The following C16orf87 variants were observed in gnomAD, a reference collection of about 807,000 sequenced individuals.
C16orf87 encodes the protein HDAC and MIER1 interacting protein 1.
In C16orf87, 13 loss-of-function variants were observed where a neutral mutation model predicts 21.0. The observed-to-expected ratio is 0.62, with a 90% confidence interval of 0.40 to 0.98. The LOEUF is 0.98. Among genes scored for constraint, C16orf87 ranks in the 50% least tolerant of loss-of-function variants. C16orf87 has a pLI of 0.00. For missense variants in C16orf87, 113 were observed against 180.4 expected, an observed-to-expected ratio of 0.63 and a Z score of 2.14; for synonymous variants, 49 against 60.2, an observed-to-expected ratio of 0.81 and a Z score of 0.86.
At chr16:46,820,648 C>T (rs1291408530) in intron 2 of C16orf87, among the ~76,000 whole-genome samples, 2 of 152,128 alleles carry the variant, frequency 1.3e-5, no homozygotes, top group African/African-American at 2.4e-5. Context: ...TAAAGTGTTG[C>T]CTTGAAAACC....
intron 3 of C16orf87, among the ~76,000 whole-genome samples, chr16:46,805,776 C>A (rs1439453129): frequency 6.6e-6 from 1 of 152,244 alleles, no homozygotes; most frequent in African/African-American, 2.4e-5. Flanking sequence ...CTGTGAATCT[C>A]TAATGAGAGT....
chr16:46,807,305 G>A (rs1482923093), intron 3 of C16orf87, among the ~76,000 whole-genome samples: 1 of 151,924 alleles, frequency 6.6e-6, no homozygotes, highest in African/African-American at 2.4e-5. Context: ...GCCTGGTGTG[G>A]TGGCATGCAC....
At chr16:46,817,039 C>G (rs754933098) in intron 2 of C16orf87, among the ~76,000 whole-genome samples, 2 of 152,152 alleles carry the variant, frequency 1.3e-5, no homozygotes, top group African/African-American at 2.4e-5. Flanking sequence ...CTATCTTTAT[C>G]CTTCTTCCAA....
intron 2 of C16orf87, among the ~76,000 whole-genome samples, 163 bp downstream of exon 2, chr16:46,824,223 T>C (rs1225721516): frequency 1.3e-5 from 2 of 152,204 alleles, no homozygotes; most frequent in Non-Finnish European, 2.9e-5. Context: ...GGAATGCACA[T>C]GAAACCAACG....
At chr16:46,815,954 C>CA (rs1968226515) in intron 2 of C16orf87, among the ~76,000 whole-genome samples, 1 of 152,148 alleles carries the variant, frequency 6.6e-6, no homozygotes, top group Non-Finnish European at 1.5e-5. Context: ...TACCATGCAG[C>CA]ATTATTCACA....
At chr16:46,825,748 C>G (rs1206594149) in intron 1 of C16orf87, among the ~76,000 whole-genome samples, 2 of 151,754 alleles carry the variant, frequency 1.3e-5, no homozygotes, top group Admixed American at 6.6e-5. Context: ...CCCGTCCCTA[C>G]TAAAAAAAAT....
At chr16:46,825,466 G>A (rs1177973448) in intron 1 of C16orf87, among the ~76,000 whole-genome samples, 3 of 152,152 alleles carry the variant, frequency 2.0e-5, no homozygotes, top group African/African-American at 7.2e-5. Context: ...TAGATAGTAG[G>A]TGTACATGTT....
rs138481255 is a variant in C16orf87, at chr16:46,808,327, A to C, written c.346+1276T>G. ...TACTAAGACACCTTTAACTTTGATA[A>C]AAGCTAGGAATGGCTATACTGGTGA... On this transcript the variant is annotated intron_variant, in intron 3 of 3. Coordinates refer to ENST00000285697, the MANE Select transcript of C16orf87 (RefSeq NM_001001436.4). Among the ~76,000 whole-genome samples, 3 of 152,326 alleles carry C rather than the reference A, an allele frequency of 2.0e-5. No individual in the cohort carries two copies. In the East Asian group the frequency reaches 5.8e-4, roughly 29 times the overall value.
intron 3 of C16orf87, 123 bp downstream of exon 3, chr16:46,809,480 C>A: frequency 1.6e-6 from 1 of 638,030 alleles, no homozygotes. Flanking sequence ...TGCTTTCAAA[C>A]TAAAATATGA....
chr16:46,806,553 C>A (rs1967935638), intron 3 of C16orf87, among the ~76,000 whole-genome samples: 1 of 152,212 alleles, frequency 6.6e-6, no homozygotes, highest in African/African-American at 2.4e-5. Flanking sequence ...GCCACCACGC[C>A]TGACCCATTC....
At chr16:46,830,647 G>A (rs1352137355) in intron 1 of C16orf87, 2 of 158,106 alleles carry the variant, frequency 1.3e-5, no homozygotes, top group Non-Finnish European at 2.8e-5. Context: ...GTCGGAACCG[G>A]GAACAAAGCC....
At chr16:46,811,163 A>G (rs1012284622) in intron 2 of C16orf87, among the ~76,000 whole-genome samples, 4 of 152,202 alleles carry the variant, frequency 2.6e-5, no homozygotes, top group African/African-American at 9.6e-5. Flanking sequence ...CCTGCAATGA[A>G]CTAAAGGTTC....
chr16:46,813,941 C>T (rs1406512353), intron 2 of C16orf87, among the ~76,000 whole-genome samples: 1 of 152,138 alleles, frequency 6.6e-6, no homozygotes, highest in Non-Finnish European at 1.5e-5. Flanking sequence ...ACCTTATTTG[C>T]AGAACCCAGA....
chr16:46,801,620 T>C lies in C16orf87; in HGVS notation c.*1332A>G, dbSNP rs965406301. On this transcript the variant is annotated 3_prime_UTR_variant, in exon 4 of 4. Transcript: ENST00000285697. ...GAATCCTTAGGAAAATTCTTTATCC[T>C]ATCTAGAGTACCTCTTAAGCTCCCT... The C allele has an allele frequency of 6.6e-6, 1 of 152,230 alleles. No homozygotes were observed. The highest frequency in any genetic ancestry group is 2.4e-5 in the African/African-American group (1 of 41,444). 9.4% of individuals were successfully genotyped at this position (152,230 alleles called of 1,614,324 possible).
chr16:46,798,454 T>G lies in C16orf87; in HGVS notation c.*4498A>C, dbSNP rs1037737330. The G allele has an allele frequency of 3.3e-5, 5 of 152,434 alleles. No homozygotes were observed. Among genetic ancestry groups the G allele is most frequent in the African/African-American group, 9.7e-5 (4 of 41,442 alleles). 9.4% of individuals were successfully genotyped at this position (152,434 alleles called of 1,614,324 possible). A position where few individuals can be genotyped will look rare whatever the true frequency, so the allele number is the denominator to read the frequency against. ...ACTCGGGAGGCAGAGGTTGCAAGGT[T>G]GCATTGAGCCAAGATCACACCACTG... On this transcript the variant is annotated 3_prime_UTR_variant, in exon 4 of 4. Coordinates refer to ENST00000285697, the MANE Select transcript of C16orf87 (RefSeq NM_001001436.4).
At chr16:46,803,553 C>T (rs1402503276) in intron 3 of C16orf87, among the ~76,000 whole-genome samples, 1 of 152,062 alleles carries the variant, frequency 6.6e-6, no homozygotes, top group Non-Finnish European at 1.5e-5. Flanking sequence ...AAATAAAAAT[C>T]ACTCGTAATC....
rs746659744 is a variant in C16orf87 at position 46,809,776 on chromosome 16, T to C, written c.173A>G (p.His58Arg). 2 of 1,603,426 alleles carry C rather than the reference T, an allele frequency of 1.2e-6. No individual in the cohort carries two copies. The highest frequency in any genetic ancestry group is 1.7e-4 in the Middle Eastern group (1 of 6,028). The change falls in exon 3 of 4, where the codon CAT becomes CGT. Residue 58 changes from histidine (H) to arginine (R), a missense_variant. Transcript: ENST00000285697. The stretch of plus-strand genomic sequence containing the variant: ...CTCTGTTCGCCTCCTCTTGGCCTCA[T>C]GCTTGTTTTCTGTATGGATGAATAA... ...EKSPPSTENK[H>R]EAKRRRTERV...
chr16:46,803,655 T>C lies in C16orf87; in HGVS notation c.347-585A>G, dbSNP rs111703837. Among the ~76,000 whole-genome samples the C allele has an allele frequency of 7.3e-3, 1,107 of 152,238 alleles. 5 individuals are homozygous for C. Among genetic ancestry groups the C allele is most frequent in the Non-Finnish European group, 0.012 (796 of 68,008 alleles). On this transcript the variant is annotated intron_variant, in intron 3 of 3. Coordinates refer to ENST00000285697, the MANE Select transcript of C16orf87 (RefSeq NM_001001436.4). The stretch of plus-strand genomic sequence containing the variant: ...CCCCTGATTCTATTTTTGTTTATTT[T>C]GTTTTGACAGTCTAATCAAAGTTAA...
chr16:46,808,194 TAGAA>T, intron 3 of C16orf87: 1 of 430,662 alleles, frequency 2.3e-6, no homozygotes, highest in Non-Finnish European at 4.6e-6. Context: ...AAGAGCATAA[TAGAA>T]AGAGAAAAGC....
Sources: gnomAD v4.1 joint callset for allele counts (sites outside exome capture counted in the v4.1 genomes callset) on GRCh38, gnomAD v4.1.1 for gene constraint, MANE v1.5 for transcripts, NCBI Gene and HGNC (gene_info 2026-07-23, HGNC 2026-07-21) for gene names.